The following ROBO2 variants were observed in gnomAD, a reference collection of about 807,000 sequenced individuals.
The protein encoded by ROBO2 is roundabout guidance receptor 2.
Under a neutral mutation model 160.8 loss-of-function variants are expected in ROBO2, and 53 were observed. The ratio of observed to expected loss-of-function variants is 0.33; its 90% CI spans 0.26 to 0.41. The LOEUF (loss-of-function observed/expected upper bound fraction) is 0.41. ROBO2 is among the 10% of genes least tolerant of loss of function. ROBO2 has a pLI of 1.00. For missense variants in ROBO2, 1,577 were observed against 1,722.4 expected, an observed-to-expected ratio of 0.92 and a Z score of 1.49; for synonymous variants, 664 against 611.7, an observed-to-expected ratio of 1.09 and a Z score of -1.26.
chr3:76,081,837 T>TA (rs1553736605), intron 2 of ROBO2, among the ~76,000 whole-genome samples: 1 of 147,976 alleles, frequency 6.8e-6, no homozygotes, highest in Non-Finnish European at 1.5e-5. Flanking sequence ...TGTAAATACA[T>TA]ACACACACAC....
chr3:76,069,742 C>T (rs767421589), intron 2 of ROBO2, among the ~76,000 whole-genome samples: 20 of 152,106 alleles, frequency 1.3e-4, no homozygotes, highest in African/African-American at 4.1e-4. Context: ...CGTTCAGACA[C>T]GTTAGCTAAG....
chr3:77,257,717 G>A (rs1231109727), intron 2 of ROBO2, among the ~76,000 whole-genome samples: 1 of 152,162 alleles, frequency 6.6e-6, no homozygotes, highest in Non-Finnish European at 1.5e-5. Context: ...CTCATTATTT[G>A]TTCAGAATTC....
intron 2 of ROBO2, among the ~76,000 whole-genome samples, chr3:76,351,883 T>A (rs2108293136): frequency 6.6e-6 from 1 of 152,096 alleles, no homozygotes; most frequent in Non-Finnish European, 1.5e-5. Context: ...TATAGTATTG[T>A]TGTGAAGGTA....
chr3:76,978,664 G>T (rs1029564001), intron 2 of ROBO2, among the ~76,000 whole-genome samples: 16 of 151,990 alleles, frequency 1.1e-4, no homozygotes, highest in Admixed American at 9.8e-4. Flanking sequence ...ATGTCTCAGA[G>T]AAATAAAATA....
At chr3:76,512,979 G>GA (rs2081176319) in intron 2 of ROBO2, among the ~76,000 whole-genome samples, 1 of 151,952 alleles carries the variant, frequency 6.6e-6, no homozygotes, top group Admixed American at 6.6e-5. Context: ...TCTAGAGGAA[G>GA]AAAAAATTAA....
chr3:76,027,376 G>C (rs537955524), intron 2 of ROBO2, among the ~76,000 whole-genome samples: 1 of 151,904 alleles, frequency 6.6e-6, no homozygotes, highest in African/African-American at 2.4e-5. Flanking sequence ...TGGGATCCTT[G>C]ACATTACAAT....
intron 2 of ROBO2, among the ~76,000 whole-genome samples, chr3:77,187,141 G>T (rs1396283633): frequency 6.6e-6 from 1 of 151,960 alleles, no homozygotes; most frequent in Non-Finnish European, 1.5e-5. Flanking sequence ...GCAGTATCAG[G>T]ATTAAATAAG....
At chr3:76,922,597 G>A (rs933225565) in intron 2 of ROBO2, among the ~76,000 whole-genome samples, 2 of 152,188 alleles carry the variant, frequency 1.3e-5, no homozygotes, top group African/African-American at 2.4e-5. Flanking sequence ...CAGTGTACCA[G>A]GAAGGCCTCC....
At chr3:77,150,011 T>G (rs949703753) in intron 2 of ROBO2, among the ~76,000 whole-genome samples, 2 of 152,196 alleles carry the variant, frequency 1.3e-5, no homozygotes, top group Admixed American at 6.5e-5. Context: ...ATTGGATGAT[T>G]ATTTTATTTG....
chr3:76,458,779 A>AAGAGGT (rs1050151804), intron 2 of ROBO2, among the ~76,000 whole-genome samples: 2 of 122,972 alleles, frequency 1.6e-5, no homozygotes, highest in Non-Finnish European at 3.4e-5. Context: ...GAAAATGAGG[A>AAGAGGT]AGAAGCAAAA....
At chr3:77,602,964 G>A (rs1296497652) in intron 20 of ROBO2, 1 of 456,882 alleles carries the variant, frequency 2.2e-6, no homozygotes, top group East Asian at 6.9e-5. Flanking sequence ...CTACCGATTG[G>A]CTGAGGGATT....
intron 2 of ROBO2, among the ~76,000 whole-genome samples, chr3:76,287,675 T>A (rs1708577609): frequency 6.6e-6 from 1 of 152,212 alleles, no homozygotes; most frequent in Admixed American, 6.5e-5. Context: ...TAAAGGTACA[T>A]TCTCTAAAGC....
At chr3:76,967,744 C>T (rs1016125934) in intron 2 of ROBO2, among the ~76,000 whole-genome samples, 2 of 151,654 alleles carry the variant, frequency 1.3e-5, no homozygotes, top group South Asian at 2.1e-4. Flanking sequence ...AGGGTCTTGC[C>T]GTATTGCCCA....
intron 2 of ROBO2, among the ~76,000 whole-genome samples, chr3:76,173,863 C>A (rs186454076): frequency 4.6e-5 from 7 of 152,046 alleles, no homozygotes; most frequent in Admixed American, 3.9e-4. Flanking sequence ...ATTTATATTC[C>A]TTTGCGTATA....
At chr3:77,174,347 A>G (rs2079927799) in intron 2 of ROBO2, among the ~76,000 whole-genome samples, 1 of 152,018 alleles carries the variant, frequency 6.6e-6, no homozygotes, top group Admixed American at 6.6e-5. Context: ...ACTCATGCAA[A>G]AAAAAAAGAG....
At chr3:76,948,581 T>G (rs1227089536) in intron 2 of ROBO2, among the ~76,000 whole-genome samples, 1 of 95,906 alleles carries the variant, frequency 1.0e-5, no homozygotes, top group Non-Finnish European at 2.2e-5. Flanking sequence ...ATAATCTAAT[T>G]TTTTTTTTTT....
At chr3:77,395,956 A>C (rs1023501501) in intron 2 of ROBO2, among the ~76,000 whole-genome samples, 10 of 151,908 alleles carry the variant, frequency 6.6e-5, no homozygotes, top group Non-Finnish European at 1.3e-4. Context: ...AAGCATTCTG[A>C]AATTTCAACT....
intron 2 of ROBO2, among the ~76,000 whole-genome samples, chr3:76,053,532 T>A (rs377313895): frequency 6.6e-6 from 1 of 152,210 alleles, no homozygotes; most frequent in East Asian, 1.9e-4. Flanking sequence ...GGATACATCC[T>A]ACATGAAAAC....
chr3:77,437,495 T>C (rs1045683068), intron 2 of ROBO2, among the ~76,000 whole-genome samples: 3 of 151,942 alleles, frequency 2.0e-5, no homozygotes, highest in Non-Finnish European at 2.9e-5. Context: ...ATAGTATTAA[T>C]TAACAATTTA....
Sources: gnomAD v4.1 joint callset for allele counts (sites outside exome capture counted in the v4.1 genomes callset) on GRCh38, gnomAD v4.1.1 for gene constraint, MANE v1.5 for transcripts, NCBI Gene and HGNC (gene_info 2026-07-23, HGNC 2026-07-21) for gene names.